The following CSMD1 variants were observed in gnomAD, a reference collection of about 807,000 sequenced individuals.
The protein encoded by CSMD1 is CUB and sushi domain-containing protein 1.
Under a neutral mutation model 417.5 loss-of-function variants are expected in CSMD1, and 213 were observed. That is an observed-to-expected ratio of 0.51 (90% confidence interval 0.46 to 0.57). The LOEUF (loss-of-function observed/expected upper bound fraction) is 0.57, where lower values mean the gene tolerates loss of function less well. Ranked by LOEUF, CSMD1 falls within the 20% of genes least tolerant of loss-of-function variation. CSMD1 has a pLI of 0.00. For missense variants in CSMD1, 6,923 were observed against 4,529.7 expected (o/e 1.53, Z -15.17); for synonymous variants, 2,862 against 1,736.8 (o/e 1.65, Z -16.11).
intron 1 of CSMD1, chr8:4,787,481 T>G (rs1356881765): frequency 1.2e-6 from 1 of 856,104 alleles, no homozygotes; most frequent in Non-Finnish European, 2.0e-6. Context: ...AGCTGCAATC[T>G]CAAAGAAAAT....
chr8:3,624,139 A>G lies in CSMD1; in HGVS notation c.1010-7342T>C, dbSNP rs1796386572. On this transcript the variant is annotated intron_variant, in intron 7 of 69. Transcript: ENST00000635120. ...GCCTTCCTTTCATAAAATTTAATTAATAATAAAAATACACTGAGCATCCAA... is the reference window on the plus strand; with the variant it reads ...GCCTTCCTTTCATAAAATTTAATTAGTAATAAAAATACACTGAGCATCCAA... Among the ~76,000 whole-genome samples, 9 of 152,328 alleles carry G rather than the reference A, an allele frequency of 5.9e-5. 1 individual carries two copies. In the South Asian group the frequency reaches 1.9e-3, roughly 32 times the overall value.
rs73658902 is a variant in CSMD1, at chr8:4,439,131, A to G, written c.303-19066T>C. 3.2e-3 allele frequency among the ~76,000 whole-genome samples: 490 copies of G among 152,270 alleles called. 3 individuals carry two copies. The highest frequency in any genetic ancestry group is 0.011 in the African/African-American group (468 of 41,564). ...AATCAATCAAATCAATTAATCATCT[A>G]TATCACCTTGTTACTGCTGTGGTAA... On this transcript the variant is annotated intron_variant, in intron 2 of 69. Coordinates refer to ENST00000635120, the MANE Select transcript of CSMD1 (RefSeq NM_033225.6).
intron 12 of CSMD1, among the ~76,000 whole-genome samples, chr8:3,432,688 G>C (rs888952990): frequency 1.3e-5 from 2 of 151,932 alleles, no homozygotes; most frequent in Admixed American, 6.6e-5. Flanking sequence ...GCTAATTTTT[G>C]TATTTTTAGT....
chr8:4,060,860 G>C (rs1798934569), intron 3 of CSMD1, among the ~76,000 whole-genome samples: 1 of 152,124 alleles, frequency 6.6e-6, no homozygotes, highest in Non-Finnish European at 1.5e-5. Flanking sequence ...TAGATGACCA[G>C]ACAGGAAGAA....
chr8:4,327,210 TA>T (rs1402741989), intron 3 of CSMD1, among the ~76,000 whole-genome samples: 1 of 152,222 alleles, frequency 6.6e-6, no homozygotes, highest in Admixed American at 6.5e-5. Context: ...TACATATCTT[TA>T]AAAATGATAT....
At chr8:3,014,296 A>G (rs1054559209) in intron 52 of CSMD1, among the ~76,000 whole-genome samples, 16 of 152,204 alleles carry the variant, frequency 1.1e-4, no homozygotes, top group African/African-American at 3.6e-4. Context: ...CTTGGAAACT[A>G]TATTAGTTCT....
intron 5 of CSMD1, among the ~76,000 whole-genome samples, chr8:3,936,505 G>A (rs905149852): frequency 1.8e-4 from 28 of 152,128 alleles, no homozygotes; most frequent in African/African-American, 6.3e-4. Flanking sequence ...AAAATCCCAG[G>A]ATCCTTAAGA....
intron 5 of CSMD1, among the ~76,000 whole-genome samples, chr8:3,762,800 G>A (rs1206939280): frequency 1.3e-5 from 2 of 152,206 alleles, no homozygotes; most frequent in Non-Finnish European, 2.9e-5. Context: ...TGAAGGCAAG[G>A]GAGAGCCACC....
rs77455424 is a variant in CSMD1 at position 3,514,416 on chromosome 8, G to A, written c.1345-20690C>T. 5.9e-3 allele frequency among the ~76,000 whole-genome samples: 894 copies of A among 152,272 alleles called. 22 individuals carry two copies. In the East Asian group the frequency reaches 0.083, roughly 14 times the overall value. ...CAATCTCTTGGAATGATTACATAAT[G>A]TCTTGCAAATGTGGTGTTATCCCCA... On this transcript the variant is annotated intron_variant, in intron 10 of 69. Coordinates refer to ENST00000635120, the MANE Select transcript of CSMD1 (RefSeq NM_033225.6).
At chr8:3,638,810 C>T (rs943690302) in intron 7 of CSMD1, among the ~76,000 whole-genome samples, 1 of 152,152 alleles carries the variant, frequency 6.6e-6, no homozygotes, top group African/African-American at 2.4e-5. Flanking sequence ...AGACTCCTCC[C>T]TCTCTCCTTC....
intron 6 of CSMD1, among the ~76,000 whole-genome samples, chr8:3,744,562 T>C (rs1796974861): frequency 6.6e-6 from 1 of 152,200 alleles, no homozygotes; most frequent in Non-Finnish European, 1.5e-5. Context: ...CAGACTCCCA[T>C]GACTAGTTTG....
intron 1 of CSMD1, among the ~76,000 whole-genome samples, chr8:4,677,819 G>T (rs1028906925): frequency 6.6e-6 from 1 of 152,122 alleles, no homozygotes; most frequent in African/African-American, 2.4e-5. Context: ...AGAACAAAAA[G>T]GAGGCAAGGA....
At chr8:3,500,357 C>G (rs1796548385) in intron 10 of CSMD1, among the ~76,000 whole-genome samples, 2 of 152,144 alleles carry the variant, frequency 1.3e-5, no homozygotes, top group South Asian at 2.1e-4. Flanking sequence ...GATGGTACGT[C>G]AAGCCACTGT....
intron 8 of CSMD1, among the ~76,000 whole-genome samples, chr8:3,611,651 C>T (rs1801900083): frequency 6.6e-6 from 1 of 152,050 alleles, no homozygotes; most frequent in Non-Finnish European, 1.5e-5. Flanking sequence ...TGGTATCTAT[C>T]ATCATGAGTT....
intron 1 of CSMD1, among the ~76,000 whole-genome samples, chr8:4,920,894 A>AG (rs780673834): frequency 6.4e-5 from 5 of 77,812 alleles, no homozygotes; most frequent in Admixed American, 1.5e-4. Context: ...AAGAAAAGAA[A>AG]AGAAAAGAAA....
At chr8:4,130,324 G>A (rs1328354556) in intron 3 of CSMD1, among the ~76,000 whole-genome samples, 1 of 152,012 alleles carries the variant, frequency 6.6e-6, no homozygotes, top group Non-Finnish European at 1.5e-5. Flanking sequence ...ATATGCCTAA[G>A]GTCTTCTATT....
intron 1 of CSMD1, among the ~76,000 whole-genome samples, chr8:4,669,179 C>T (rs1805136150): frequency 6.6e-6 from 1 of 152,290 alleles, no homozygotes; most frequent in South Asian, 2.1e-4. Flanking sequence ...GATGTGAATA[C>T]TTTGCCTTCT....
chr8:4,016,335 G>A (rs80196385), intron 4 of CSMD1, among the ~76,000 whole-genome samples: 2 of 152,014 alleles, frequency 1.3e-5, no homozygotes, highest in Admixed American at 1.3e-4. Context: ...CTGACCAACT[G>A]ACTCTCAGAC....
At chr8:4,154,762 T>G (rs1027626011) in intron 3 of CSMD1, among the ~76,000 whole-genome samples, 3 of 152,064 alleles carry the variant, frequency 2.0e-5, no homozygotes, top group Non-Finnish European at 4.4e-5. Context: ...CCCCGTAAGA[T>G]ATGAATATCA....
Sources: allele counts gnomAD v4.1 joint callset (sites outside exome capture counted in the v4.1 genomes callset), GRCh38; gene constraint gnomAD v4.1.1; transcripts MANE v1.5; gene names NCBI Gene and HGNC (gene_info 2026-07-23, HGNC 2026-07-21).